ZNF682: variants seen among roughly 807,000 people sequenced by gnomAD.
The protein encoded by ZNF682 is zinc finger protein 682.
Under a neutral mutation model 36.5 loss-of-function variants are expected in ZNF682, and 29 were observed. The ratio of observed to expected loss-of-function variants is 0.80; its 90% CI spans 0.59 to 1.08. The LOEUF (loss-of-function observed/expected upper bound fraction) is 1.08. ZNF682 is among the 50% of genes least tolerant of loss of function. The pLI, the probability that ZNF682 is intolerant of heterozygous loss-of-function variation, is 0.00. For missense variants in ZNF682, 561 were observed against 579.7 expected (o/e 0.97, Z 0.33); for synonymous variants, 180 against 197.0 (o/e 0.91, Z 0.72).
intron 3 of ZNF682, chr19:20,015,569 C>T (rs1387980205): frequency 1.0e-4 from 38 of 378,294 alleles, no homozygotes; most frequent in Non-Finnish European, 1.3e-4. Context: ...AACTATAACC[C>T]ATAAAATTCT....
At chr19:20,009,273 T>C (rs1281245902) in intron 3 of ZNF682, among the ~76,000 whole-genome samples, 1 of 152,184 alleles carries the variant, frequency 6.6e-6, no homozygotes, top group East Asian at 1.9e-4. Flanking sequence ...GATGAAAGTA[T>C]TTCAGAGCTC....
chr19:20,010,966 A>G (rs922412859), intron 3 of ZNF682, among the ~76,000 whole-genome samples: 2 of 152,034 alleles, frequency 1.3e-5, no homozygotes, highest in African/African-American at 4.8e-5. Context: ...TGTCTCAAAA[A>G]AGAAAAAAAA....
chr19:20,024,086 C>G (rs1174397730), intron 2 of ZNF682, among the ~76,000 whole-genome samples, 164 bp downstream of exon 2: 1 of 152,194 alleles, frequency 6.6e-6, no homozygotes, highest in Non-Finnish European at 1.5e-5. Context: ...CATAAAACAT[C>G]TTGAAAATTT....
In ZNF682 at chr19:20,006,025, A is replaced by G; in HGVS notation, c.1477T>C (p.Cys493Arg). The G allele has an allele frequency of 6.2e-7, 1 of 1,601,208 alleles. No individual in the cohort carries two copies. Among genetic ancestry groups the G allele is most frequent in the Non-Finnish European group, 8.5e-7 (1 of 1,172,572 alleles). The change falls in exon 4 of 4, where the codon TGC (cysteine) becomes CGC (arginine). Residue 493 changes from cysteine (C) to arginine (R), a missense_variant. Physicochemically the swap from Cys to Arg is radical, Grantham distance 180 (BLOSUM62 -3). Coordinates refer to ENST00000397165, the MANE Select transcript of ZNF682 (RefSeq NM_033196.3). ...YKKCGEAFNHCSNLTT is the reference protein window; with the variant it reads ...YKKCGEAFNHRSNLTT ...AATTCTTACGTAGTAAGGTTTGAGC[A>G]GTGATTAAAAGCTTCCCCACATTTT...
intron 3 of ZNF682, among the ~76,000 whole-genome samples, chr19:20,011,260 T>G (rs1015145440): frequency 1.8e-4 from 27 of 151,952 alleles, no homozygotes; most frequent in Admixed American, 1.8e-3. Flanking sequence ...AATAGATAAA[T>G]CAACGATATT....
In ZNF682 at chr19:20,006,754, T is replaced by G. The variant is rs2088226170; in HGVS notation, c.748A>C (p.Ile250Leu). 1 of 1,614,016 alleles carries G rather than the reference T, an allele frequency of 6.2e-7. No homozygotes were observed. The highest frequency in any genetic ancestry group is 8.5e-7 in the Non-Finnish European group (1 of 1,179,996). ...TTGTAGGGTTTCTCACCAGTATGGATTCTCTTATGTTTAGTAAGACTCGAG... is the reference window on the plus strand; with the variant it reads ...TTGTAGGGTTTCTCACCAGTATGGAGTCTCTTATGTTTAGTAAGACTCGAG... ...WCSSLTKHKR[I>L]HTGEKPYKCE... Residue 250 changes from isoleucine (I) to leucine (L), a missense_variant, in exon 4 of 4, where the codon ATC (isoleucine) becomes CTC (leucine). Ile to Leu is a conservative substitution (Grantham distance 5). Coordinates refer to ENST00000397165, the MANE Select transcript of ZNF682 (RefSeq NM_033196.3).
At position 20,007,120 on chromosome 19, in the gene ZNF682, C is replaced by A. The variant is rs766459288; in HGVS notation, c.382G>T (p.Glu128Ter). The change falls in exon 4 of 4, where the codon GAA (glutamate) becomes TAA (stop). Residue 128 changes from glutamate (E) to a stop codon, truncating the protein, a stop_gained. Transcript: ENST00000397165. LOFTEE classifies it low-confidence loss of function (END_TRUNC). The part of the protein sequence containing the change: ...ENVGECKDQK[E>*]IYNGLNQCLS... ...CATTGGTTAAGTCCATTATAAATTTCTTTTTGATCCTTACACTCACCCACA... is the reference window on the plus strand; with the variant it reads ...CATTGGTTAAGTCCATTATAAATTTATTTTTGATCCTTACACTCACCCACA... The A allele has an allele frequency of 6.2e-6, 10 of 1,613,432 alleles. No homozygotes were observed. Among genetic ancestry groups the A allele is most frequent in the Admixed American group, 1.7e-5 (1 of 60,010 alleles).
At chr19:20,039,023 G>A (rs910846246) in intron 1 of ZNF682, 6 of 645,658 alleles carry the variant, frequency 9.3e-6, no homozygotes, top group African/African-American at 7.5e-5. Context: ...AACCACACAC[G>A]GGGTCTGGAC....
In ZNF682 at chr19:20,006,762, T is replaced by C. The variant is rs766363780; in HGVS notation, c.740A>G (p.His247Arg). ...AFNWCSSLTK[H>R]KRIHTGEKPY... The stretch of plus-strand genomic sequence containing the variant: ...TTTCTCACCAGTATGGATTCTCTTA[T>C]GTTTAGTAAGACTCGAGCACCAGTT... Residue 247 changes from histidine (H) to arginine (R), a missense_variant, in exon 4 of 4, where the codon CAT becomes CGT. Transcript: ENST00000397165. 4.3e-6 allele frequency: 7 copies of C among 1,614,062 alleles called. No individual in the cohort carries two copies. The highest frequency in any genetic ancestry group is 5.9e-6 in the Non-Finnish European group (7 of 1,180,014).
At chr19:20,003,866 T>C (rs1481242127), downstream of ZNF682, among the ~76,000 whole-genome samples, 1 of 152,158 alleles carries the variant, frequency 6.6e-6, no homozygotes, top group Non-Finnish European at 1.5e-5. Context: ...TTGTTTGAGG[T>C]TTCCAGTTTG....
At chr19:20,001,306 A>G (rs2088166990), downstream of ZNF682, among the ~76,000 whole-genome samples, 1 of 152,206 alleles carries the variant, frequency 6.6e-6, no homozygotes, top group African/African-American at 2.4e-5. Context: ...AGCCAACACT[A>G]TGACTAGGGA....
chr19:20,005,715 T>G lies in ZNF682; in HGVS notation c.*290A>C. On this transcript the variant is annotated 3_prime_UTR_variant, in exon 4 of 4. Coordinates refer to ENST00000397165, the MANE Select transcript of ZNF682 (RefSeq NM_033196.3). The stretch of plus-strand genomic sequence containing the variant: ...GACATCTTTCCACAGATAAATGTAA[T>G]GTGTATCATTACACTTACATTGCTT... The G allele has an allele frequency of 2.8e-6, 1 of 362,960 alleles. No individual in the cohort carries two copies. The highest frequency in any genetic ancestry group is 5.0e-6 in the Non-Finnish European group (1 of 201,466). The allele number at this position is 362,960 out of a possible 1,614,324, so 22.5% of individuals were successfully genotyped here.
At chr19:20,013,305 A>G (rs2088306687) in intron 3 of ZNF682, among the ~76,000 whole-genome samples, 1 of 152,048 alleles carries the variant, frequency 6.6e-6, no homozygotes, top group African/African-American at 2.4e-5. Flanking sequence ...TATAACATAT[A>G]TATTATCATC....
chr19:20,003,486 CA>C (rs537999027), downstream of ZNF682, among the ~76,000 whole-genome samples: 1,796 of 151,922 alleles, frequency 0.012, 19 homozygotes, highest in South Asian at 0.032. Context: ...GGGTGGATCA[CA>C]AGGTCAGGAG....
chr19:20,029,429 C>T (rs549130498), intron 1 of ZNF682, among the ~76,000 whole-genome samples: 2 of 151,016 alleles, frequency 1.3e-5, no homozygotes, highest in Admixed American at 1.3e-4. Context: ...CGTGAAACCC[C>T]ATCTCTACTA....
intron 3 of ZNF682, among the ~76,000 whole-genome samples, chr19:20,020,533 A>T (rs4809022): frequency 0.22 from 33,194 of 152,054 alleles, 4,115 homozygotes; most frequent in African/African-American, 0.33. Context: ...ATTAAATTTT[A>T]AAAAAATTCC....
downstream of ZNF682, among the ~76,000 whole-genome samples, chr19:19,999,870 C>A (rs556220664): frequency 1.3e-5 from 2 of 152,284 alleles, no homozygotes; most frequent in South Asian, 4.1e-4. Context: ...CTTATATACA[C>A]CTGATAAATT....
At chr19:20,034,516 C>G (rs1031256949) in intron 1 of ZNF682, among the ~76,000 whole-genome samples, 9 of 152,144 alleles carry the variant, frequency 5.9e-5, no homozygotes, top group Non-Finnish European at 1.0e-4. Flanking sequence ...CGGTGACTCA[C>G]GCCTGTAATC....
At chr19:20,003,063 C>T (rs1193444066), downstream of ZNF682, among the ~76,000 whole-genome samples, 3 of 150,762 alleles carry the variant, frequency 2.0e-5, no homozygotes, top group East Asian at 2.0e-4. Flanking sequence ...TGGTGGTGGG[C>T]GCCTGTAGTC....
Sources: gnomAD v4.1 joint callset for allele counts (sites outside exome capture counted in the v4.1 genomes callset) on GRCh38, gnomAD v4.1.1 for gene constraint, MANE v1.5 for transcripts, NCBI Gene and HGNC (gene_info 2026-07-23, HGNC 2026-07-21) for gene names.